The following MAGI1 variants were observed in gnomAD, a reference collection of about 807,000 sequenced individuals.
The protein encoded by MAGI1 is membrane associated guanylate kinase, WW and PDZ domain containing 1.
Under a neutral mutation model 139.9 loss-of-function variants are expected in MAGI1, and 58 were observed. That is an observed-to-expected ratio of 0.41 (90% CI 0.34 to 0.52). MAGI1 has a LOEUF of 0.52. MAGI1 is among the 20% of genes least tolerant of loss of function. MAGI1 has a pLI of 0.12. For missense variants in MAGI1, 1,874 were observed against 1,901.6 expected (o/e 0.99, Z 0.27); for synonymous variants, 812 against 737.9 (o/e 1.10, Z -1.63).
At position 65,429,979 on chromosome 3, in the gene MAGI1, C is replaced by T. The variant is rs1947342859; in HGVS notation, c.1708G>A (p.Val570Met). The T allele has an allele frequency of 1.2e-6, 2 of 1,613,972 alleles. No individual in the cohort carries two copies. The highest frequency in any genetic ancestry group is 1.1e-5 in the South Asian group (1 of 91,084). The part of the protein sequence containing the change: ...FDPDDPNTSL[V>M]TSVAILDKEP... ...TTATCCAAAATGGCTACCGAGGTCACTAAACTTGTATTGGGGTCATCTGGA... is the reference window on the plus strand; with the variant it reads ...TTATCCAAAATGGCTACCGAGGTCATTAAACTTGTATTGGGGTCATCTGGA... The change falls in exon 12 of 23, where the codon GTG becomes ATG. Residue 570 changes from valine to methionine, a missense_variant. Around this residue, in one of 5 missense-constraint regions of MAGI1, gnomAD observed 86 missense variants for 130.0 expected, o/e 0.66. Coordinates refer to ENST00000402939, the MANE Select transcript of MAGI1 (RefSeq NM_001033057.2).
chr3:65,549,477 C>T, intron 2 of MAGI1: 1 of 985,376 alleles, frequency 1.0e-6, no homozygotes, highest in Non-Finnish European at 1.2e-6. Context: ...GCTCGGTGGC[C>T]GCCCGCCTCA....
rs2062805909 is a variant in MAGI1, at chr3:65,931,494, T to C, written c.313+106502A>G. 2.0e-5 allele frequency among the ~76,000 whole-genome samples: 3 copies of C among 152,170 alleles called. No individual in the cohort carries two copies. The South Asian group carries it at 6.2e-4, about 32-fold the overall frequency. Reference sequence around the variant, plus strand: ...CAGCCAGGGCAACATGGCGAAGCCCTGTGTCTATAAAAAATACAAAAATTA... The same window carrying C: ...CAGCCAGGGCAACATGGCGAAGCCCCGTGTCTATAAAAAATACAAAAATTA... On this transcript the variant is annotated intron_variant, in intron 1 of 22. Coordinates refer to ENST00000402939, the MANE Select transcript of MAGI1 (RefSeq NM_001033057.2).
intron 13 of MAGI1, among the ~76,000 whole-genome samples, chr3:65,395,636 C>CACAAAAAAAAAAAAAAAAAAAAAAAAAA (rs1944323128): frequency 5.2e-5 from 1 of 19,172 alleles, no homozygotes; most frequent in Non-Finnish European, 1.1e-4. Context: ...GACTCCATCT[C>CACAAAAAAAAAAAAAAAAAAAAAAAAAA]AAAAAAAAAA....
intron 2 of MAGI1, among the ~76,000 whole-genome samples, chr3:65,594,933 T>C (rs1263608618): frequency 6.6e-6 from 1 of 152,320 alleles, no homozygotes. Flanking sequence ...ATCAGAATAA[T>C]GCATGGGTCT....
At chr3:65,905,340 C>T (rs1384506901) in intron 1 of MAGI1, among the ~76,000 whole-genome samples, 1 of 152,104 alleles carries the variant, frequency 6.6e-6, no homozygotes, top group East Asian at 1.9e-4. Context: ...TTATTAAACT[C>T]AACAGATAGA....
At chr3:65,672,534 G>A (rs1053292918) in intron 1 of MAGI1, among the ~76,000 whole-genome samples, 6 of 152,144 alleles carry the variant, frequency 3.9e-5, no homozygotes, top group Non-Finnish European at 8.8e-5. Flanking sequence ...GAAAGTGCCT[G>A]GGGTTGTTAA....
chr3:65,992,381 T>TA (rs2107368365), intron 1 of MAGI1, among the ~76,000 whole-genome samples: 2 of 152,352 alleles, frequency 1.3e-5, no homozygotes, highest in East Asian at 3.9e-4. Flanking sequence ...GATCCTTGAG[T>TA]ACTAGCCTTT....
rs188168637 is a variant in MAGI1, at chr3:65,531,225, T to C, written c.431-37594A>G. Among the ~76,000 whole-genome samples the C allele has an allele frequency of 1.7e-3, 258 of 152,168 alleles. 1 individual carries two copies. Among genetic ancestry groups the C allele is most frequent in the South Asian group, 4.1e-3 (20 of 4,824 alleles). ...CCAGACCTACAGCTTTATATCAATATACTAATGGATCTCAAATTGTATCTC... is the reference window on the plus strand; with the variant it reads ...CCAGACCTACAGCTTTATATCAATACACTAATGGATCTCAAATTGTATCTC... On this transcript the variant is annotated intron_variant, in intron 2 of 22. Coordinates refer to ENST00000402939, the MANE Select transcript of MAGI1 (RefSeq NM_001033057.2).
chr3:65,659,453 A>G (rs913154194), intron 1 of MAGI1, among the ~76,000 whole-genome samples: 2 of 152,208 alleles, frequency 1.3e-5, no homozygotes, highest in Non-Finnish European at 2.9e-5. Context: ...ATGCTCATTA[A>G]CATACTAAAC....
At chr3:65,522,035 G>GA (rs1464283433) in intron 2 of MAGI1, among the ~76,000 whole-genome samples, 3 of 151,948 alleles carry the variant, frequency 2.0e-5, no homozygotes, top group African/African-American at 4.8e-5. Context: ...TATCACAGAG[G>GA]AAAAAAATCC....
At chr3:65,811,746 T>G (rs2041248437) in intron 1 of MAGI1, among the ~76,000 whole-genome samples, 1 of 151,750 alleles carries the variant, frequency 6.6e-6, no homozygotes. Flanking sequence ...ACTGATAAAC[T>G]TTCAGGTCCA....
At chr3:65,658,498 A>G (rs529294578) in intron 1 of MAGI1, among the ~76,000 whole-genome samples, 1 of 152,314 alleles carries the variant, frequency 6.6e-6, no homozygotes, top group African/African-American at 2.4e-5. Flanking sequence ...CACTGACTGA[A>G]CAACTGAATT....
chr3:65,377,061 T>C (rs1399619789), intron 17 of MAGI1, among the ~76,000 whole-genome samples: 4 of 152,190 alleles, frequency 2.6e-5, no homozygotes, highest in African/African-American at 9.7e-5. Flanking sequence ...AGTTACCTTT[T>C]GGAAAGGGTG....
At chr3:65,381,128 T>C (rs1943018506) in intron 16 of MAGI1, among the ~76,000 whole-genome samples, 1 of 152,160 alleles carries the variant, frequency 6.6e-6, no homozygotes, top group South Asian at 2.1e-4. Context: ...ACAACCAAGG[T>C]GTGTTCAACG....
chr3:65,613,976 A>G (rs1268825076), intron 2 of MAGI1, among the ~76,000 whole-genome samples: 7 of 152,324 alleles, frequency 4.6e-5, no homozygotes, highest in South Asian at 2.1e-4. Flanking sequence ...AGGGCCTACA[A>G]AGTATCAAGC....
intron 1 of MAGI1, among the ~76,000 whole-genome samples, chr3:65,925,627 C>T (rs901169618): frequency 6.6e-6 from 1 of 152,122 alleles, no homozygotes; most frequent in African/African-American, 2.4e-5. Context: ...TAAAGAACCC[C>T]AACCTCTCAA....
At chr3:65,717,208 G>C (rs1365651970) in intron 1 of MAGI1, among the ~76,000 whole-genome samples, 1 of 152,092 alleles carries the variant, frequency 6.6e-6, no homozygotes, top group African/African-American at 2.4e-5. Context: ...ACAAACAACC[G>C]AAAAGTCAAA....
chr3:66,012,259 G>T (rs980847033), intron 1 of MAGI1, among the ~76,000 whole-genome samples: 4 of 151,996 alleles, frequency 2.6e-5, no homozygotes, highest in African/African-American at 4.8e-5. Flanking sequence ...TAACATCTTA[G>T]AAATTATTTT....
rs937390448 is a variant in MAGI1 at position 65,810,034 on chromosome 3, T to C, written c.314-187946A>G. On this transcript the variant is annotated intron_variant, in intron 1 of 22. Transcript: ENST00000402939. ...CACACAGACACACACTTCTCTATCA[T>C]TTTCTTTTATTTCAGGACTTATTTA... Among the ~76,000 whole-genome samples the C allele has an allele frequency of 3.3e-5, 5 of 152,022 alleles. No individual in the cohort carries two copies. In the South Asian group the frequency reaches 1.0e-3, roughly 32 times the overall value.
Sources: allele counts gnomAD v4.1 joint callset (sites outside exome capture counted in the v4.1 genomes callset), GRCh38; gene constraint gnomAD v4.1.1; regional missense constraint gnomAD v4.1.1; transcripts MANE v1.5; gene names NCBI Gene and HGNC (gene_info 2026-07-23, HGNC 2026-07-21).